Variants in TRPV1 observed in about 807,000 individuals in gnomAD.
The protein encoded by TRPV1 is transient receptor potential cation channel subfamily V member 1, also known as OTRPC1.
TRPV1 carries 82 observed loss-of-function variants against 82.3 expected under a neutral mutation model. That is an observed-to-expected ratio of 1.00 (90% CI 0.83 to 1.20). The LOEUF (loss-of-function observed/expected upper bound fraction) is 1.20, where lower values mean the gene tolerates loss of function less well. Ranked by LOEUF, TRPV1 falls within the 50% of genes most tolerant of loss-of-function variation. The pLI, the probability that TRPV1 is intolerant of heterozygous loss-of-function variation, is 0.00. For synonymous variants in TRPV1, 515 were observed against 467.7 expected (o/e 1.10, Z -1.30); for missense variants, 1,067 against 1,096.8 (o/e 0.97, Z 0.38).
Position 3,585,690 on chromosome 17 carries a change from G to C in TRPV1, c.1383+78C>G, listed in dbSNP as rs533271406. ...AGGGCAGAGCCTGGGCCTGGGGTCG[G>C]GGAGGTCTCCCGAAATGTCCACACC... On this transcript the variant is annotated intron_variant, in intron 9 of 16. Coordinates refer to ENST00000572705, the MANE Select transcript of TRPV1 (RefSeq NM_080704.4). 3 of 1,516,688 alleles carry C rather than the reference G, an allele frequency of 2.0e-6. No individual in the cohort carries two copies. The African/African-American group carries it at 4.1e-5, about 21-fold the overall frequency. 94.0% of individuals were successfully genotyped at this position (1,516,688 alleles called of 1,614,324 possible).
intron 2 of TRPV1, among the ~76,000 whole-genome samples, chr17:3,607,389 T>C (rs1275649305): frequency 4.6e-5 from 7 of 151,894 alleles, no homozygotes. Context: ...ACAGGAGATA[T>C]GTCCCAAGAC....
intron 2 of TRPV1, among the ~76,000 whole-genome samples, chr17:3,600,767 G>A (rs1240468370): frequency 6.6e-6 from 1 of 152,094 alleles, no homozygotes; most frequent in African/African-American, 2.4e-5. Flanking sequence ...CCCTCCTCCT[G>A]CCCTGGCCAC....
chr17:3,573,500 T>C (rs985133720), intron 14 of TRPV1, 133 bp downstream of exon 14: 6 of 954,648 alleles, frequency 6.3e-6, no homozygotes, highest in African/African-American at 3.3e-5. Flanking sequence ...AGGCAGCGGA[T>C]AGAGAGGCCC....
At chr17:3,568,678 C>A (rs1167607283) in intron 16 of TRPV1, among the ~76,000 whole-genome samples, 1 of 152,112 alleles carries the variant, frequency 6.6e-6, no homozygotes, top group Non-Finnish European at 1.5e-5. Context: ...AGAGATAGGA[C>A]ATCAGGCAGT....
intron 2 of TRPV1, among the ~76,000 whole-genome samples, chr17:3,597,734 C>T (rs537247496): frequency 7.1e-6 from 1 of 141,286 alleles, no homozygotes; most frequent in African/African-American, 2.8e-5. Flanking sequence ...AGTGCAATGG[C>T]GCGATCTCAG....
In TRPV1 at chr17:3,597,871, G is replaced by A. The variant is rs554588710; in HGVS notation, c.-33-5488C>T. 1.9e-3 allele frequency among the ~76,000 whole-genome samples: 292 copies of A among 152,004 alleles called. 2 individuals carry two copies. The highest frequency in any genetic ancestry group is 1.9e-3 in the Non-Finnish European group (126 of 67,966). On this transcript the variant is annotated intron_variant, in intron 2 of 16. Transcript: ENST00000572705. ...GTATTTTTAGTAGAGTCAGGGTTTC[G>A]CCATGTTGGCCAGGCCGGTCTTGAA... is the stretch of plus-strand genomic sequence containing the variant.
At chr17:3,589,148 A>AGCTCCTGCCTGCCAT (rs375811127) in intron 7 of TRPV1, among the ~76,000 whole-genome samples, 1 of 151,436 alleles carries the variant, frequency 6.6e-6, no homozygotes, top group Non-Finnish European at 1.5e-5. Context: ...TGTTACCTAA[A>AGCTCCTGCCTGCCAT]GCTCCTGCCT....
intron 2 of TRPV1, among the ~76,000 whole-genome samples, chr17:3,601,580 C>G (rs2075263662): frequency 6.6e-6 from 1 of 152,012 alleles, no homozygotes. Context: ...CCCAAAGGCC[C>G]CAGCATAAAG....
intron 16 of TRPV1, among the ~76,000 whole-genome samples, chr17:3,568,197 C>T (rs1048735270): frequency 2.0e-5 from 3 of 151,694 alleles, no homozygotes; most frequent in Non-Finnish European, 4.4e-5. Flanking sequence ...TGGCGGGCGC[C>T]TGTAGTCCCA....
chr17:3,604,379 C>T lies in TRPV1; in HGVS notation c.-34+4048G>A, dbSNP rs1341599487. On this transcript the variant is annotated intron_variant, in intron 2 of 16. Transcript: ENST00000572705. ...TTGGGAGGCTGAGGCGGGCGGATCACCTGAGGTCAGGAGTTTGAGACCAGC... is the reference window on the plus strand; with the variant it reads ...TTGGGAGGCTGAGGCGGGCGGATCATCTGAGGTCAGGAGTTTGAGACCAGC... Among the ~76,000 whole-genome samples, 3 of 152,104 alleles carry T rather than the reference C, an allele frequency of 2.0e-5. No homozygotes were observed. In the South Asian group the frequency reaches 6.2e-4, roughly 31 times the overall value.
chr17:3,591,156 G>A lies in TRPV1; in HGVS notation c.451+31C>T, dbSNP rs775964058. 1.9e-6 allele frequency: 3 copies of A among 1,609,376 alleles called. No homozygotes were observed. The South Asian group carries it at 3.3e-5, about 18-fold the overall frequency. On this transcript the variant is annotated intron_variant, in intron 4 of 16. Coordinates refer to ENST00000572705, the MANE Select transcript of TRPV1 (RefSeq NM_080704.4). The stretch of plus-strand genomic sequence containing the variant: ...GGAGGGTCAGGGCAGGCCAGGGCTG[G>A]GGCCCTCCCCGAGCCCAGCGCTGGG...
In TRPV1 at chr17:3,599,703, A is replaced by T. The variant is rs537438696; in HGVS notation, c.-33-7320T>A. Among the ~76,000 whole-genome samples the T allele has an allele frequency of 3.3e-5, 5 of 149,552 alleles. No individual in the cohort carries two copies. The Admixed American group carries it at 3.4e-4, about 10-fold the overall frequency. ...CAGTGCAATGGCGTGATCTCAGCTCACTGCAACCTCCACCTCCCTGGTTCA... is the reference window on the plus strand; with the variant it reads ...CAGTGCAATGGCGTGATCTCAGCTCTCTGCAACCTCCACCTCCCTGGTTCA... On this transcript the variant is annotated intron_variant, in intron 2 of 16. Transcript: ENST00000572705.
intron 2 of TRPV1, among the ~76,000 whole-genome samples, chr17:3,598,548 C>G (rs2075238435): frequency 6.6e-6 from 1 of 151,182 alleles, no homozygotes; most frequent in Non-Finnish European, 1.5e-5. Flanking sequence ...CCCCACCATA[C>G]CCCTCGCTTA....
chr17:3,589,178 T>C (rs1467412313), intron 7 of TRPV1, among the ~76,000 whole-genome samples: 6 of 149,198 alleles, frequency 4.0e-5, no homozygotes, highest in Middle Eastern at 7.0e-3. Flanking sequence ...CTGCCTGCCA[T>C]GGAAAAACAC....
intron 16 of TRPV1, among the ~76,000 whole-genome samples, chr17:3,570,015 G>T: frequency 7.4e-6 from 1 of 135,752 alleles, no homozygotes. Context: ...AGCGGTCAGG[G>T]AGGAGGGGCC....
chr17:3,590,937 C>T, intron 5 of TRPV1, 27 bp downstream of exon 5: 1 of 1,561,688 alleles, frequency 6.4e-7, no homozygotes, highest in Non-Finnish European at 8.7e-7. Context: ...CGGGCTGAGC[C>T]ATGCCCGGCC....
At chr17:3,576,669 ATAT>A (rs1268655381) in intron 13 of TRPV1, among the ~76,000 whole-genome samples, 24 of 18,062 alleles carry the variant, frequency 1.3e-3, no homozygotes, top group Non-Finnish European at 1.9e-3. Flanking sequence ...AAAAAAAAAA[ATAT>A]ATATATATAT....
Position 3,572,300 on chromosome 17 carries a change from C to T in TRPV1, c.2104-51G>A, listed in dbSNP as rs192212290. ...GAGCTGAGGGGCAGAGGGTGCATCC[C>T]GGGGCCACCCTGGCTGCCAGTATCC... On this transcript the variant is annotated intron_variant, in intron 14 of 16. Transcript: ENST00000572705. 7,972 of 1,554,304 alleles carry T rather than the reference C, an allele frequency of 5.1e-3. 62 individuals are homozygous for T. The highest frequency in any genetic ancestry group is 0.025 in the South Asian group (2,079 of 84,814).
chr17:3,602,743 G>A (rs1280822836), intron 2 of TRPV1, among the ~76,000 whole-genome samples: 2 of 152,184 alleles, frequency 1.3e-5, no homozygotes, highest in Non-Finnish European at 2.9e-5. Context: ...ATTGACTTAA[G>A]CTGAGTTCTT....
Sources: gnomAD v4.1 joint callset for allele counts (sites outside exome capture counted in the v4.1 genomes callset) on GRCh38, gnomAD v4.1.1 for gene constraint, MANE v1.5 for transcripts, NCBI Gene and HGNC (gene_info 2026-07-23, HGNC 2026-07-21) for gene names.